DHRSX: variants seen among roughly 807,000 people sequenced by gnomAD.
DHRSX encodes the protein dehydrogenase/reductase X-linked, also known as polyprenol dehydrogenase.
In DHRSX, 31 loss-of-function variants were observed where a neutral mutation model predicts 34.0. That is an observed-to-expected ratio of 0.91 (90% CI 0.69 to 1.23). The LOEUF (loss-of-function observed/expected upper bound fraction) is 1.23. DHRSX is among the 50% of genes most tolerant of loss of function. The pLI is 0.00. For missense variants in DHRSX, 414 were observed against 428.1 expected (o/e 0.97, Z 0.29); for synonymous variants, 201 against 183.8 (o/e 1.09, Z -0.76).
At chrX:2,432,187 C>A (rs1292498655) in intron 1 of DHRSX, among the ~76,000 whole-genome samples, 2 of 151,744 alleles carry the variant, frequency 1.3e-5, no homozygotes, top group Non-Finnish European at 2.9e-5. Flanking sequence ...GAGCCAGACT[C>A]CGTCTCAAAA....
chrX:2,243,798 T>TGTTTTGTTTTG (rs1460406117), intron 5 of DHRSX, among the ~76,000 whole-genome samples: 1,699 of 93,280 alleles, frequency 0.018, 53 homozygotes, highest in Non-Finnish European at 0.021. Flanking sequence ...GTTTTTTTTT[T>TGTTTTGTTTTG]TTTTTTTTTT....
At chrX:2,379,357 T>G (rs1016763461) in intron 3 of DHRSX, among the ~76,000 whole-genome samples, 4 of 152,234 alleles carry the variant, frequency 2.6e-5, no homozygotes, top group Non-Finnish European at 5.9e-5. Flanking sequence ...CAATGACGTC[T>G]GATTCCCAGT....
At chrX:2,258,171 A>G (rs2041305332) in intron 5 of DHRSX, among the ~76,000 whole-genome samples, 1 of 150,800 alleles carries the variant, frequency 6.6e-6, no homozygotes, top group African/African-American at 2.4e-5. Flanking sequence ...GGGAGAATCA[A>G]TGTCTGCTGT....
rs2015976145 is a variant in DHRSX, at chrX:2,234,805, T to A, written c.804+8218A>T. 2.6e-5 allele frequency among the ~76,000 whole-genome samples: 4 copies of A among 152,136 alleles called. No individual in the cohort carries two copies. The South Asian group carries it at 8.3e-4, about 31-fold the overall frequency. ...GGCTTACTGCAGTCTCTACCTCCCA[T>A]GTTCAAGCGATTCTCCTGCCTCAGC... On this transcript the variant is annotated intron_variant, in intron 6 of 6. Coordinates refer to ENST00000334651, the MANE Select transcript of DHRSX (RefSeq NM_145177.3).
At chrX:2,305,174 G>A (rs1253422456) in intron 3 of DHRSX, among the ~76,000 whole-genome samples, 2 of 151,844 alleles carry the variant, frequency 1.3e-5, no homozygotes, top group Non-Finnish European at 2.9e-5. Context: ...TGGATACAGG[G>A]AGGGGAACAA....
At chrX:2,345,502 C>G (rs1213300896) in intron 3 of DHRSX, among the ~76,000 whole-genome samples, 3 of 151,726 alleles carry the variant, frequency 2.0e-5, no homozygotes, top group Non-Finnish European at 4.4e-5. Flanking sequence ...AATAAATTAG[C>G]TGGGCGTGGT....
chrX:2,317,058 A>T (rs1165188534), intron 3 of DHRSX, among the ~76,000 whole-genome samples: 3 of 146,178 alleles, frequency 2.1e-5, no homozygotes, highest in African/African-American at 5.1e-5. Flanking sequence ...CCCGGGTTCA[A>T]GTGATTCTCC....
intron 4 of DHRSX, among the ~76,000 whole-genome samples, chrX:2,277,498 AAGAGGAGGAAATG>A (rs2041686263): frequency 3.0e-5 from 1 of 33,086 alleles, no homozygotes; most frequent in African/African-American, 8.7e-5. Flanking sequence ...AGAGAGAAGG[AAGAGGAGGAAATG>A]GGGGAAAGAG....
chrX:2,282,556 G>C (rs1049014959), intron 4 of DHRSX, among the ~76,000 whole-genome samples: 1 of 145,788 alleles, frequency 6.9e-6, no homozygotes, highest in Non-Finnish European at 1.5e-5. Flanking sequence ...AAGAGGGAGG[G>C]TGTGCGAGAG....
chrX:2,357,694 G>C (rs2042873129), intron 3 of DHRSX, among the ~76,000 whole-genome samples: 1 of 133,762 alleles, frequency 7.5e-6, no homozygotes, highest in African/African-American at 2.9e-5. Flanking sequence ...TTGGGACTCA[G>C]GAAATTAAAA....
At chrX:2,413,368 C>T (rs1160459728) in intron 2 of DHRSX, among the ~76,000 whole-genome samples, 1 of 151,902 alleles carries the variant, frequency 6.6e-6, no homozygotes, top group African/African-American at 2.4e-5. Flanking sequence ...TTGAACCTGA[C>T]TATAATTAGT....
intron 3 of DHRSX, among the ~76,000 whole-genome samples, chrX:2,304,597 CA>C (rs1486665495): frequency 6.6e-6 from 1 of 151,948 alleles, no homozygotes; most frequent in East Asian, 1.9e-4. Context: ...AGCATCTCCC[CA>C]GCCCACCCCA....
intron 1 of DHRSX, among the ~76,000 whole-genome samples, chrX:2,493,701 G>T (rs755502485): frequency 6.6e-6 from 1 of 152,086 alleles, no homozygotes; most frequent in East Asian, 1.9e-4. Context: ...CAGGCACAGC[G>T]GCTCACGCCT....
At chrX:2,387,099 T>C (rs896004610) in intron 3 of DHRSX, among the ~76,000 whole-genome samples, 4 of 152,164 alleles carry the variant, frequency 2.6e-5, no homozygotes, top group Admixed American at 6.5e-5. Context: ...TCCATTTCCA[T>C]GGATATTATT....
chrX:2,371,518 C>T (rs867432963), intron 3 of DHRSX, among the ~76,000 whole-genome samples: 4 of 145,830 alleles, frequency 2.7e-5, no homozygotes, highest in Admixed American at 1.4e-4. Flanking sequence ...GTTACCACAG[C>T]CCCTCCTCCG....
chrX:2,445,925 A>C (rs866560689), intron 1 of DHRSX, among the ~76,000 whole-genome samples: 222 of 144,154 alleles, frequency 1.5e-3, no homozygotes, highest in Middle Eastern at 4.5e-3. Context: ...CAAGGGACCG[A>C]CGCCATGTAC....
At chrX:2,296,074 G>A (rs1191369704) in intron 3 of DHRSX, among the ~76,000 whole-genome samples, 1 of 152,118 alleles carries the variant, frequency 6.6e-6, no homozygotes, top group Non-Finnish European at 1.5e-5. Context: ...GGCATCTCTA[G>A]ATCTGGCTTC....
intron 3 of DHRSX, among the ~76,000 whole-genome samples, chrX:2,307,789 TA>T (rs747096554): frequency 1.1e-4 from 11 of 103,640 alleles, no homozygotes; most frequent in East Asian, 4.7e-4. Flanking sequence ...GTAATAAAAA[TA>T]AAAAAAATAA....
chrX:2,321,440 C>T lies in DHRSX; in HGVS notation c.287-29837G>A, dbSNP rs759907193. ...AATCTCATGTGTGGAAACCCTAATG[C>T]CAAAGGGGATGGTATTTGGAGACGG... On this transcript the variant is annotated intron_variant, in intron 3 of 6. Transcript: ENST00000334651. 2.0e-5 allele frequency among the ~76,000 whole-genome samples: 3 copies of T among 152,090 alleles called. No individual in the cohort carries two copies. In the South Asian group the frequency reaches 6.2e-4, roughly 32 times the overall value.
Sources: allele counts gnomAD v4.1 joint callset (sites outside exome capture counted in the v4.1 genomes callset), GRCh38; gene constraint gnomAD v4.1.1; transcripts MANE v1.5; gene names NCBI Gene and HGNC (gene_info 2026-07-23, HGNC 2026-07-21).